IRAG2: variants seen among roughly 807,000 people sequenced by gnomAD.
IRAG2 encodes lymphoid restricted membrane protein.
IRAG2 carries 45 observed loss-of-function variants against 69.9 expected under a neutral mutation model. That is an observed-to-expected ratio of 0.64 (90% CI 0.51 to 0.83). The LOEUF (loss-of-function observed/expected upper bound fraction) is 0.83. Among genes scored for constraint, IRAG2 ranks in the 40% least tolerant of loss-of-function variants. IRAG2 has a pLI of 0.00. For missense variants in IRAG2, 520 were observed against 587.0 expected (o/e 0.89, Z 1.18); for synonymous variants, 193 against 202.4 (o/e 0.95, Z 0.40).
At chr12:25,096,758 T>C (rs1051339228) in intron 14 of IRAG2, 152 bp from the exon 15 acceptor site, 5 of 597,308 alleles carry the variant, frequency 8.4e-6, no homozygotes, top group Middle Eastern at 4.5e-4. Flanking sequence ...AATATATCAG[T>C]ATCATTCATT....
At chr12:25,044,637 A>G (rs919176459) in intron 16 of IRAG2, among the ~76,000 whole-genome samples, 1 of 152,180 alleles carries the variant, frequency 6.6e-6, no homozygotes, top group South Asian at 2.1e-4. Context: ...ATATCAGACA[A>G]AATAGACTTT....
intron 10 of IRAG2, among the ~76,000 whole-genome samples, chr12:25,084,629 A>T (rs1348133421): frequency 6.6e-6 from 1 of 152,038 alleles, no homozygotes; most frequent in African/African-American, 2.4e-5. Context: ...TGGTTGCAAG[A>T]AACAGAGACC....
intron 16 of IRAG2, among the ~76,000 whole-genome samples, chr12:25,045,003 T>C (rs1944781926): frequency 6.6e-6 from 1 of 152,100 alleles, no homozygotes; most frequent in Admixed American, 6.5e-5. Context: ...GACCACACAT[T>C]AGGTCACAAA....
At chr12:25,096,837 A>G in intron 14 of IRAG2, 73 bp from the exon 15 acceptor site, 1 of 1,210,896 alleles carries the variant, frequency 8.3e-7, no homozygotes, top group East Asian at 2.5e-5. Context: ...CCACATTTGC[A>G]ACTTAGTCAG....
chr12:25,000,790 A>G (rs570268703), upstream of IRAG2, among the ~76,000 whole-genome samples: 2 of 152,352 alleles, frequency 1.3e-5, no homozygotes, highest in Admixed American at 6.5e-5. Context: ...TTTAAAAGAG[A>G]TAGACTCCAA....
chr12:25,009,143 A>G (rs958851405), intron 2 of IRAG2, among the ~76,000 whole-genome samples: 1 of 152,032 alleles, frequency 6.6e-6, no homozygotes, highest in Admixed American at 6.5e-5. Context: ...TCTCTACAAA[A>G]AATATTTTAA....
chr12:25,071,658 A>G (rs1946345841), intron 6 of IRAG2, among the ~76,000 whole-genome samples: 5 of 152,256 alleles, frequency 3.3e-5, no homozygotes, highest in Non-Finnish European at 7.3e-5. Context: ...TGATCACTCA[A>G]TTAATAAATA....
chr12:25,039,818 A>G (rs1944733294), intron 16 of IRAG2, among the ~76,000 whole-genome samples: 1 of 152,176 alleles, frequency 6.6e-6, no homozygotes. Flanking sequence ...GTATTGTCCT[A>G]CTTAGACATA....
intron 20 of IRAG2, among the ~76,000 whole-genome samples, chr12:25,105,122 GC>G (rs2140262645): frequency 7.1e-6 from 1 of 140,676 alleles, no homozygotes; most frequent in Non-Finnish European, 1.5e-5. Flanking sequence ...TGTCACCCAG[GC>G]TGGAGTGCAG....
chr12:25,090,096 T>G lies in IRAG2; in HGVS notation c.505T>G (p.Trp169Gly), dbSNP rs553797728. ...ATTATCTTTGGGATTTAAGTGTGAC[T>G]GGTTTACCTTGGAGAAGAGAGTGAA... ...LRLSLGFKCD[W>G]FTLEKRVKLE... Residue 169 changes from tryptophan to glycine, a missense_variant, in exon 14 of 22, where the codon TGG becomes GGG. Trp to Gly is a radical substitution (Grantham distance 184). Coordinates refer to ENST00000556887, the MANE Select transcript of IRAG2 (RefSeq NM_001366544.2). 2 of 1,614,042 alleles carry G rather than the reference T, an allele frequency of 1.2e-6. No homozygotes were observed. Among genetic ancestry groups the G allele is most frequent in the Middle Eastern group, 3.3e-4 (2 of 6,062 alleles).
Position 25,088,105 on chromosome 12 carries a change from C to G in IRAG2, c.321C>G (p.Ala107=), listed in dbSNP as rs1203466179. Residue 107 remains alanine, a synonymous_variant, in exon 11 of 22, where the codon GCC becomes GCG. Transcript: ENST00000556887. ...GTAAAATCTTATGATTTTAGGAAGC[C>G]AAAGAGGAACCAGAAACAATAGAAG... ...SKDKTILNLE[A]KEEPETIEEH... is the part of the protein sequence containing the mutation. 1.2e-6 allele frequency: 2 copies of G among 1,611,422 alleles called. No homozygotes were observed. The highest frequency in any genetic ancestry group is 1.6e-4 in the Middle Eastern group (1 of 6,074).
intron 1 of IRAG2, among the ~76,000 whole-genome samples, chr12:25,058,751 C>A (rs923163016): frequency 3.3e-5 from 5 of 152,104 alleles, no homozygotes; most frequent in African/African-American, 1.2e-4. Context: ...GGCAATGTAT[C>A]CAAGACACCT....
chr12:25,041,518 A>G (rs776410320), intron 16 of IRAG2, among the ~76,000 whole-genome samples: 44 of 151,700 alleles, frequency 2.9e-4, no homozygotes, highest in Non-Finnish European at 5.9e-4. Context: ...GTCTCACTTC[A>G]TCACCCAGAC....
upstream of IRAG2, among the ~76,000 whole-genome samples, chr12:25,048,135 G>T (rs1944812135): frequency 6.6e-6 from 1 of 151,992 alleles, no homozygotes. Context: ...GTTGTTTCTG[G>T]GATTTTTAAT....
intron 7 of IRAG2, among the ~76,000 whole-genome samples, chr12:25,021,752 T>C (rs924225828): frequency 1.3e-5 from 2 of 152,216 alleles, no homozygotes; most frequent in African/African-American, 2.4e-5. Flanking sequence ...GCAAAACTGT[T>C]TTTAGAGTCT....
Position 25,104,459 on chromosome 12 carries a change from T to G in IRAG2, c.1145T>G (p.Leu382Arg). The part of the protein sequence containing the change: ...WADAEEEKCE[L>R]KTKDDSEPSG... Reference sequence around the variant, plus strand: ...GATGCTGAAGAAGAAAAATGTGAACTAAAGTAGGTGAAGCTCAGTGTGTTT... The same window carrying G: ...GATGCTGAAGAAGAAAAATGTGAACGAAAGTAGGTGAAGCTCAGTGTGTTT... The change falls in exon 20 of 22, where the codon CTA becomes CGA. Residue 382 changes from leucine (L) to arginine (R), a missense_variant. Leu to Arg is a moderately radical substitution (Grantham distance 102). Transcript: ENST00000556887. 6.3e-7 allele frequency: 1 copy of G among 1,578,950 alleles called. No individual in the cohort carries two copies. Among genetic ancestry groups the G allele is most frequent in the Non-Finnish European group, 8.7e-7 (1 of 1,148,092 alleles).
chr12:25,053,065 T>G (rs938521170), intron 1 of IRAG2, 109 bp downstream of exon 1: 1 of 396,608 alleles, frequency 2.5e-6, no homozygotes, highest in Non-Finnish European at 4.4e-6. Context: ...CCTGAGTTTA[T>G]GACAATGAAA....
At chr12:25,052,399 C>T (rs1361167229), upstream of IRAG2, 1 of 397,698 alleles carries the variant, frequency 2.5e-6, no homozygotes, top group Non-Finnish European at 4.4e-6. Flanking sequence ...TCCTCAGATG[C>T]CCTGCAAACC....
chr12:25,101,480 G>T (rs1452752321), intron 16 of IRAG2, among the ~76,000 whole-genome samples, 155 bp downstream of exon 16: 1 of 152,096 alleles, frequency 6.6e-6, no homozygotes, highest in Non-Finnish European at 1.5e-5. Context: ...CTAAAAGTGA[G>T]GTGTCAGAAA....
Sources: gnomAD v4.1 joint callset for allele counts (sites outside exome capture counted in the v4.1 genomes callset) on GRCh38, gnomAD v4.1.1 for gene constraint, MANE v1.5 for transcripts, NCBI Gene and HGNC (gene_info 2026-07-23, HGNC 2026-07-21) for gene names.